Variants in MAPK1IP1L observed in about 807,000 individuals in gnomAD.
MAPK1IP1L encodes the protein mitogen-activated protein kinase 1 interacting protein 1 like.
A neutral mutation model predicts 18.1 loss-of-function variants in MAPK1IP1L; 10 were observed. That is an observed-to-expected ratio of 0.55 (90% CI 0.34 to 0.94). The LOEUF is 0.94. Ranked by LOEUF, MAPK1IP1L falls within the 40% of genes least tolerant of loss-of-function variation. MAPK1IP1L has a pLI of 0.02. For missense variants in MAPK1IP1L, 260 were observed against 318.2 expected, an observed-to-expected ratio of 0.82 and a Z score of 1.39; for synonymous variants, 115 against 117.3, an observed-to-expected ratio of 0.98 and a Z score of 0.13.
In MAPK1IP1L at chr14:55,063,211, A is replaced by G. The variant is rs2042833574; in HGVS notation, c.612A>G (p.Pro204=). 6.2e-7 allele frequency: 1 copy of G among 1,614,052 alleles called. No individual in the cohort carries two copies. Among genetic ancestry groups the G allele is most frequent in the East Asian group, 2.2e-5 (1 of 44,862 alleles). Residue 204 remains proline, a synonymous_variant, in exon 3 of 4, where the codon CCA becomes CCG. Transcript: ENST00000395468. Reference sequence around the variant, plus strand: ...CAGGAGCCTGGGGACCACCAGCACCATATCCTGCCCCTACAGGATCGTATC... The same window carrying G: ...CAGGAGCCTGGGGACCACCAGCACCGTATCCTGCCCCTACAGGATCGTATC... ...VPPGAWGPPA[P]YPAPTGSYPT... is the part of the protein sequence containing the mutation.
intron 1 of MAPK1IP1L, chr14:55,060,879 A>G (rs1399596955): frequency 6.6e-6 from 1 of 152,206 alleles, no homozygotes; most frequent in Non-Finnish European, 1.5e-5. Context: ...GCTCATGGCT[A>G]TAATCCCAAT....
At chr14:55,055,990 G>C (rs1241890756) in intron 1 of MAPK1IP1L, among the ~76,000 whole-genome samples, 4 of 152,018 alleles carry the variant, frequency 2.6e-5, no homozygotes, top group African/African-American at 9.7e-5. Flanking sequence ...TAATATGTTC[G>C]GACCTTAGGT....
chr14:55,055,334 G>A (rs995357995), intron 1 of MAPK1IP1L, among the ~76,000 whole-genome samples: 2 of 152,098 alleles, frequency 1.3e-5, no homozygotes, highest in African/African-American at 4.8e-5. Flanking sequence ...AAACGTTCAT[G>A]TCCAACTGTT....
chr14:55,068,275 C>CTA lies in MAPK1IP1L; in HGVS notation c.*3650_*3651dup, dbSNP rs2042880502. 6.5e-6 allele frequency: 1 copy of CTA among 152,734 alleles called. No individual in the cohort carries two copies. Among genetic ancestry groups the CTA allele is most frequent in the Admixed American group, 6.5e-5 (1 of 15,300 alleles). 9.5% of individuals were successfully genotyped at this position (152,734 alleles called of 1,614,324 possible). ...CAGTCAGTCCCACCACCACAATGGA[C>CTA]TATTGGGATATTTTCTAAAAAACCA... On this transcript the variant is annotated 3_prime_UTR_variant, in exon 4 of 4. Coordinates refer to ENST00000395468, the MANE Select transcript of MAPK1IP1L (RefSeq NM_144578.4).
At chr14:55,060,885 C>T (rs1021735156) in intron 1 of MAPK1IP1L, 1 of 152,042 alleles carries the variant, frequency 6.6e-6, no homozygotes, top group Admixed American at 6.5e-5. Context: ...GGCTATAATC[C>T]CAATACTTTG....
intron 1 of MAPK1IP1L, among the ~76,000 whole-genome samples, chr14:55,052,424 A>G (rs2042737950): frequency 6.6e-6 from 1 of 152,226 alleles, no homozygotes; most frequent in Admixed American, 6.5e-5. Flanking sequence ...GCAAACCACG[A>G]GAAGGGCAGA....
Position 55,054,147 on chromosome 14 carries a change from G to C in MAPK1IP1L, c.-5+2344G>C, listed in dbSNP as rs117957450. The stretch of plus-strand genomic sequence containing the variant: ...ATAAATGAGCCAATACTAAAAACTA[G>C]CATGTATTCTAATTTATAATTTATA... On this transcript the variant is annotated intron_variant, in intron 1 of 3. Transcript: ENST00000395468. 9.1e-3 allele frequency among the ~76,000 whole-genome samples: 1,372 copies of C among 150,428 alleles called. 6 individuals are homozygous for C. The highest frequency in any genetic ancestry group is 0.014 in the Non-Finnish European group (977 of 67,662).
intron 1 of MAPK1IP1L, among the ~76,000 whole-genome samples, chr14:55,059,007 C>A (rs1257302721): frequency 6.6e-6 from 1 of 151,732 alleles, no homozygotes; most frequent in African/African-American, 2.4e-5. Flanking sequence ...GGTACTTGAG[C>A]ATCCTGGGAT....
At chr14:55,056,076 T>G (rs962209178) in intron 1 of MAPK1IP1L, among the ~76,000 whole-genome samples, 2 of 152,218 alleles carry the variant, frequency 1.3e-5, no homozygotes, top group African/African-American at 2.4e-5. Flanking sequence ...CTGGTCACTT[T>G]ACTAAGACAG....
chr14:55,066,633 G>A lies in MAPK1IP1L; in HGVS notation c.*2006G>A, dbSNP rs1273127007. The A allele has an allele frequency of 6.6e-6, 1 of 152,186 alleles. No individual in the cohort carries two copies. Among genetic ancestry groups the A allele is most frequent in the East Asian group, 1.9e-4 (1 of 5,202 alleles). 9.4% of individuals were successfully genotyped at this position (152,186 alleles called of 1,614,324 possible). On this transcript the variant is annotated 3_prime_UTR_variant, in exon 4 of 4. Transcript: ENST00000395468. ...TACATTGGGATAAGCTGACAAATTA[G>A]CAGTATTTAGTTTAACACTGGAGCA...
chr14:55,065,945 G>T lies in MAPK1IP1L; in HGVS notation c.*1318G>T, dbSNP rs1022295023. The T allele has an allele frequency of 1.3e-5, 2 of 151,582 alleles. No individual in the cohort carries two copies. The highest frequency in any genetic ancestry group is 4.9e-5 in the African/African-American group (2 of 41,210). 9.4% of individuals were successfully genotyped at this position (151,582 alleles called of 1,614,324 possible). A position where few individuals can be genotyped will look rare whatever the true frequency, so the allele number is the denominator to read the frequency against. On this transcript the variant is annotated 3_prime_UTR_variant, in exon 4 of 4. Transcript: ENST00000395468. ...CAACTAAGTTTAAAGCAGTGTGACT[G>T]TGTTGCTTAAATATCAAGTATTGTT... is the stretch of plus-strand genomic sequence containing the variant.
At position 55,068,188 on chromosome 14, in the gene MAPK1IP1L, T is replaced by C. The variant is rs1411730474; in HGVS notation, c.*3561T>C. ...CCAAGGACTGACTGTTTTGTGCATT[T>C]TACTGTTGGTTGTCTTCAGTAGAGA... On this transcript the variant is annotated 3_prime_UTR_variant, in exon 4 of 4. Coordinates refer to ENST00000395468, the MANE Select transcript of MAPK1IP1L (RefSeq NM_144578.4). 2.0e-5 allele frequency: 3 copies of C among 152,478 alleles called. No individual in the cohort carries two copies. The highest frequency in any genetic ancestry group is 7.3e-5 in the African/African-American group (3 of 41,368). 9.4% of individuals were successfully genotyped at this position (152,478 alleles called of 1,614,324 possible). A position where few individuals can be genotyped will look rare whatever the true frequency, so the allele number is the denominator to read the frequency against.
intron 2 of MAPK1IP1L, among the ~76,000 whole-genome samples, 185 bp downstream of exon 2, chr14:55,061,886 C>A (rs1039747050): frequency 1.1e-4 from 17 of 152,122 alleles, no homozygotes; most frequent in Non-Finnish European, 2.2e-4. Context: ...TGCAGTGAGC[C>A]ATGATTGTGC....
intron 1 of MAPK1IP1L, among the ~76,000 whole-genome samples, chr14:55,052,289 A>T (rs2042736687): frequency 6.6e-6 from 1 of 152,212 alleles, no homozygotes; most frequent in Non-Finnish European, 1.5e-5. Context: ...ATTTTTAATA[A>T]AAAGGGAAAG....
intron 1 of MAPK1IP1L, chr14:55,060,404 T>G (rs1362563239): frequency 6.6e-6 from 1 of 152,174 alleles, no homozygotes; most frequent in Non-Finnish European, 1.5e-5. Context: ...CTCGATCTCT[T>G]GACCTCGTGA....
chr14:55,062,250 C>G (rs2042823522), intron 2 of MAPK1IP1L, among the ~76,000 whole-genome samples: 1 of 152,190 alleles, frequency 6.6e-6, no homozygotes, highest in Admixed American at 6.5e-5. Flanking sequence ...TGAAGAGGCT[C>G]TATCTCAGAG....
intron 1 of MAPK1IP1L, among the ~76,000 whole-genome samples, chr14:55,059,033 G>T (rs1306522548): frequency 1.3e-5 from 2 of 151,402 alleles, no homozygotes; most frequent in South Asian, 4.2e-4. Context: ...TATCTATGGG[G>T]GTCCTAGAAC....
chr14:55,054,642 GT>G (rs1408794476), intron 1 of MAPK1IP1L, among the ~76,000 whole-genome samples: 1 of 152,172 alleles, frequency 6.6e-6, no homozygotes, highest in Non-Finnish European at 1.5e-5. Flanking sequence ...TTATTGAGAA[GT>G]TTTTTGTCAA....
chr14:55,051,946 C>T, intron 1 of MAPK1IP1L, 143 bp downstream of exon 1: 1 of 370,040 alleles, frequency 2.7e-6, no homozygotes, highest in Non-Finnish European at 5.3e-6. Context: ...CCGTGGTCGC[C>T]TGCCTGGCAC....
Sources: gnomAD v4.1 joint callset for allele counts (sites outside exome capture counted in the v4.1 genomes callset) on GRCh38, gnomAD v4.1.1 for gene constraint, MANE v1.5 for transcripts, NCBI Gene and HGNC (gene_info 2026-07-23, HGNC 2026-07-21) for gene names.